PRELID2: variants seen among roughly 807,000 people sequenced by gnomAD.
The protein encoded by PRELID2 is PRELI domain containing 2, also known as PRELI domain-containing protein 2.
PRELID2 carries 25 observed loss-of-function variants against 28.4 expected under a neutral mutation model. The ratio of observed to expected loss-of-function variants is 0.88; its 90% CI spans 0.64 to 1.23. The LOEUF (loss-of-function observed/expected upper bound fraction) is 1.23, where lower values mean the gene tolerates loss of function less well. PRELID2 is among the 50% of genes most tolerant of loss of function. The probability of loss-of-function intolerance (pLI) is 0.00; values close to 1 mark genes in which losing one functional copy is unlikely to be tolerated. For synonymous variants in PRELID2, 76 were observed against 71.6 expected, an observed-to-expected ratio of 1.06 and a Z score of -0.31; for missense variants, 201 against 214.4, an observed-to-expected ratio of 0.94 and a Z score of 0.39.
At chr5:145,424,044 G>T in the PRELID2 span, among the ~76,000 whole-genome samples, 7 of 148,080 alleles carry the variant, frequency 4.7e-5, no homozygotes, top group Middle Eastern at 3.5e-3. Flanking sequence ...CAGTTAGGCT[G>T]CTCGGGGGTC....
At chr5:145,674,023 T>A (rs535373189) in intron 1 of PRELID2, among the ~76,000 whole-genome samples, 1 of 152,200 alleles carries the variant, frequency 6.6e-6, no homozygotes, top group Non-Finnish European at 1.5e-5. Context: ...CATCAGGTTT[T>A]TATTTTCCTA....
intron 1 of PRELID2, among the ~76,000 whole-genome samples, chr5:145,833,694 C>A (rs1319761464): frequency 6.6e-6 from 1 of 152,200 alleles, no homozygotes; most frequent in Non-Finnish European, 1.5e-5. Flanking sequence ...CACCGTGTCA[C>A]CTCCTCTAAC....
the PRELID2 span, among the ~76,000 whole-genome samples, chr5:145,240,471 C>T: frequency 6.6e-6 from 1 of 151,854 alleles, no homozygotes; most frequent in East Asian, 1.9e-4. Context: ...AGTAAATAAA[C>T]ATACTTTATA....
At chr5:145,728,700 A>C (rs1378273444) in intron 1 of PRELID2, 1 of 1,559,634 alleles carries the variant, frequency 6.4e-7, no homozygotes, top group Non-Finnish European at 8.8e-7. Context: ...CACTTCAGCA[A>C]GTCCAAATAT....
intron 1 of PRELID2, among the ~76,000 whole-genome samples, chr5:145,475,811 A>G (rs890532970): frequency 1.3e-5 from 2 of 152,222 alleles, no homozygotes; most frequent in Non-Finnish European, 2.9e-5. Context: ...TATAGTATTT[A>G]CCTGTGACTA....
At chr5:145,689,643 C>T (rs1157042152) in intron 1 of PRELID2, among the ~76,000 whole-genome samples, 1 of 152,112 alleles carries the variant, frequency 6.6e-6, no homozygotes, top group Non-Finnish European at 1.5e-5. Context: ...GGGGATAGGA[C>T]CAAACTGAGA....
chr5:145,413,968 T>C, the PRELID2 span, among the ~76,000 whole-genome samples: 1 of 152,186 alleles, frequency 6.6e-6, no homozygotes, highest in Non-Finnish European at 1.5e-5. Context: ...ATCTTAGCTA[T>C]TGTGAATAAA....
chr5:145,380,394 G>C, the PRELID2 span, among the ~76,000 whole-genome samples: 1 of 152,082 alleles, frequency 6.6e-6, no homozygotes, highest in Non-Finnish European at 1.5e-5. Flanking sequence ...CAGTTCTTAT[G>C]GTACCTTGAT....
the PRELID2 span, among the ~76,000 whole-genome samples, chr5:145,436,404 T>C: frequency 3.9e-3 from 598 of 152,270 alleles, 1 homozygote; most frequent in Non-Finnish European, 6.9e-3. Context: ...TATGCATGCA[T>C]ATGTCTTTAT....
chr5:145,765,989 T>C (rs1757727260), intron 5 of PRELID2, among the ~76,000 whole-genome samples: 1 of 152,242 alleles, frequency 6.6e-6, no homozygotes, highest in African/African-American at 2.4e-5. Flanking sequence ...AATGTTCATT[T>C]TTCTACTGTC....
rs143777861 is a variant in PRELID2 at position 145,698,957 on chromosome 5, C to T, written n.70+65974G>A. ...GGCCAGGCTGGTCTCGAACTCCTGACCTCAGGTGATCCACCCGCCTCAGCC... is the reference window on the plus strand; with the variant it reads ...GGCCAGGCTGGTCTCGAACTCCTGATCTCAGGTGATCCACCCGCCTCAGCC... On this transcript the variant is annotated intron_variant and non_coding_transcript_variant, in intron 1 of 2. Coordinates refer to the PRELID2 transcript ENST00000510259. Among the ~76,000 whole-genome samples, 1,374 of 152,236 alleles carry T rather than the reference C, an allele frequency of 9.0e-3. 19 individuals are homozygous for T. The highest frequency in any genetic ancestry group is 0.03 in the African/African-American group (1,253 of 41,526).
the PRELID2 span, among the ~76,000 whole-genome samples, chr5:145,255,612 A>C: frequency 2.9e-4 from 43 of 149,540 alleles, no homozygotes; most frequent in Non-Finnish European, 4.8e-4. Context: ...GTCTCTATTA[A>C]AAAAAAAAGA....
chr5:145,640,055 T>A (rs1043006047), intron 1 of PRELID2, among the ~76,000 whole-genome samples: 10 of 152,170 alleles, frequency 6.6e-5, no homozygotes, highest in Admixed American at 2.6e-4. Context: ...GGGTTTTTTT[T>A]AATATTCAGT....
intron 1 of PRELID2, among the ~76,000 whole-genome samples, chr5:145,678,765 G>T (rs1023691215): frequency 1.3e-5 from 2 of 152,114 alleles, no homozygotes; most frequent in African/African-American, 4.8e-5. Context: ...TCTGCAAACT[G>T]GGGGGTCGAG....
At chr5:145,376,298 G>C in the PRELID2 span, among the ~76,000 whole-genome samples, 2,088 of 152,236 alleles carry the variant, frequency 0.014, 40 homozygotes, top group African/African-American at 0.047. Flanking sequence ...TAGTTTGCCA[G>C]TATTTCATTG....
chr5:145,505,762 C>T, intron 1 of PRELID2, among the ~76,000 whole-genome samples: 1 of 152,080 alleles, frequency 6.6e-6, no homozygotes. Flanking sequence ...TTCCCATCAA[C>T]AGAAGAATGG....
At chr5:145,255,526 T>G in the PRELID2 span, among the ~76,000 whole-genome samples, 1 of 151,906 alleles carries the variant, frequency 6.6e-6, no homozygotes. Context: ...GTAATCCCAA[T>G]GCTTTGGGAG....
At chr5:145,564,755 G>T (rs567594115) in intron 1 of PRELID2, among the ~76,000 whole-genome samples, 1 of 152,310 alleles carries the variant, frequency 6.6e-6, no homozygotes, top group East Asian at 1.9e-4. Context: ...ATTGATGGAA[G>T]AAATAAATAA....
chr5:145,420,394 C>G, the PRELID2 span, among the ~76,000 whole-genome samples: 1 of 151,496 alleles, frequency 6.6e-6, no homozygotes, highest in Non-Finnish European at 1.5e-5. Context: ...TGTTTGTATC[C>G]TCTTTTATTT....
Sources: gnomAD v4.1 joint callset for allele counts (sites outside exome capture counted in the v4.1 genomes callset) on GRCh38, gnomAD v4.1.1 for gene constraint, MANE v1.5 for transcripts, NCBI Gene and HGNC (gene_info 2026-07-23, HGNC 2026-07-21) for gene names.